The following EEPD1 variants were observed in gnomAD, a reference collection of about 807,000 sequenced individuals.
EEPD1 encodes endonuclease/exonuclease/phosphatase family domain containing 1, also known as endonuclease/exonuclease/phosphatase family domain-containing protein 1.
In EEPD1, 17 loss-of-function variants were observed where a neutral mutation model predicts 46.3. The ratio of observed to expected loss-of-function variants is 0.37; its 90% CI spans 0.25 to 0.55. EEPD1 has a LOEUF of 0.55. Among genes scored for constraint, EEPD1 ranks in the 20% least tolerant of loss-of-function variants. The probability of loss-of-function intolerance (pLI) is 0.83; values close to 1 mark genes in which losing one functional copy is unlikely to be tolerated. For synonymous variants in EEPD1, 313 were observed against 315.6 expected (o/e 0.99, Z 0.09); for missense variants, 673 against 745.6 (o/e 0.90, Z 1.13).
intron 2 of EEPD1, among the ~76,000 whole-genome samples, chr7:36,174,156 G>T (rs1180517934): frequency 6.6e-6 from 1 of 152,154 alleles, no homozygotes; most frequent in African/African-American, 2.4e-5. Context: ...CTGCAGTCGG[G>T]TCCTTACCCG....
intron 3 of EEPD1, among the ~76,000 whole-genome samples, chr7:36,276,352 A>G (rs901642101): frequency 2.0e-5 from 3 of 152,120 alleles, no homozygotes; most frequent in African/African-American, 7.2e-5. Flanking sequence ...ATTTTACCCA[A>G]TTTGGTCTGA....
At chr7:36,210,428 A>G (rs1305514960) in intron 2 of EEPD1, among the ~76,000 whole-genome samples, 1 of 152,256 alleles carries the variant, frequency 6.6e-6, no homozygotes, top group Non-Finnish European at 1.5e-5. Flanking sequence ...TGAAAGAATG[A>G]CAGCTGAAAA....
chr7:36,256,221 G>C (rs1258586681), intron 3 of EEPD1, among the ~76,000 whole-genome samples: 2 of 152,178 alleles, frequency 1.3e-5, no homozygotes, highest in East Asian at 1.9e-4. Context: ...TGCATTTGCT[G>C]AGGAGTGTTT....
chr7:36,170,027 T>C (rs769007160), intron 2 of EEPD1, among the ~76,000 whole-genome samples: 11 of 152,228 alleles, frequency 7.2e-5, no homozygotes, highest in South Asian at 2.1e-4. Context: ...TCACAGGCCC[T>C]TGGGCCAGGA....
intron 3 of EEPD1, among the ~76,000 whole-genome samples, chr7:36,245,922 T>G (rs196544): frequency 0.95 from 145,088 of 152,302 alleles, 69,178 homozygotes; most frequent in Non-Finnish European, 0.97. Context: ...AAGTCACAGG[T>G]ACTTGTTTCC....
At chr7:36,197,517 G>A (rs1290286667) in intron 2 of EEPD1, among the ~76,000 whole-genome samples, 1 of 152,216 alleles carries the variant, frequency 6.6e-6, no homozygotes, top group Non-Finnish European at 1.5e-5. Context: ...TGGTTGCCGT[G>A]TCTGTGTAGA....
At chr7:36,219,798 A>AGTGTGTGTGTGTGTGTGT (rs1443373734) in intron 2 of EEPD1, among the ~76,000 whole-genome samples, 1 of 76,964 alleles carries the variant, frequency 1.3e-5, no homozygotes, top group African/African-American at 3.8e-5. Context: ...AGAGAGAGAG[A>AGTGTGTGTGTGTGTGTGT]GAGAGAGAGT....
intron 2 of EEPD1, among the ~76,000 whole-genome samples, chr7:36,167,865 C>G (rs979461333): frequency 5.9e-5 from 9 of 152,100 alleles, no homozygotes; most frequent in African/African-American, 2.2e-4. Flanking sequence ...CAGGCACGCG[C>G]CACCACGCCT....
chr7:36,178,460 A>G (rs945947096), intron 2 of EEPD1, among the ~76,000 whole-genome samples: 2 of 152,298 alleles, frequency 1.3e-5, no homozygotes, highest in Admixed American at 1.3e-4. Context: ...TGGTCTCCTC[A>G]TCTCATGATT....
At position 36,299,023 on chromosome 7, in the gene EEPD1, G is replaced by A; in HGVS notation, c.1527G>A (p.Val509=). 1 of 1,614,140 alleles carries A rather than the reference G, an allele frequency of 6.2e-7. No homozygotes were observed. Among genetic ancestry groups the A allele is most frequent in the South Asian group, 1.1e-5 (1 of 91,072 alleles). The change falls in exon 8 of 8, where the codon GTG becomes GTA. Residue 509 remains valine, a synonymous_variant. Coordinates refer to ENST00000242108, the MANE Select transcript of EEPD1 (RefSeq NM_030636.3). ...KKVFTGHWAV[V]REGLTNPWIP... is the part of the protein sequence containing the mutation. The stretch of plus-strand genomic sequence containing the variant: ...TCCCTTCAGGTCACTGGGCTGTGGT[G>A]AGAGAAGGCCTCACGAACCCTTGGA...
At chr7:36,239,156 T>C in intron 3 of EEPD1, 120 bp downstream of exon 3, 2 of 983,812 alleles carry the variant, frequency 2.0e-6, no homozygotes, top group Non-Finnish European at 3.1e-6. Flanking sequence ...AGTTATTTTG[T>C]ATTCCTGACA....
At chr7:36,240,614 G>A (rs566703955) in intron 3 of EEPD1, among the ~76,000 whole-genome samples, 2 of 152,228 alleles carry the variant, frequency 1.3e-5, no homozygotes, top group East Asian at 1.9e-4. Context: ...AGACATCATC[G>A]GGCCAAATGG....
At chr7:36,267,612 G>A (rs1463437113) in intron 3 of EEPD1, among the ~76,000 whole-genome samples, 2 of 152,152 alleles carry the variant, frequency 1.3e-5, no homozygotes, top group East Asian at 3.9e-4. Context: ...ACAAGCTCCT[G>A]GAACCACTCC....
intron 6 of EEPD1, among the ~76,000 whole-genome samples, chr7:36,288,641 A>G (rs892816622): frequency 3.9e-5 from 6 of 152,100 alleles, no homozygotes; most frequent in Non-Finnish European, 8.8e-5. Flanking sequence ...ACACACCAGT[A>G]GTCCCAGATA....
At chr7:36,176,660 T>C (rs1422644846) in intron 2 of EEPD1, among the ~76,000 whole-genome samples, 19 of 152,196 alleles carry the variant, frequency 1.2e-4, no homozygotes, top group Non-Finnish European at 2.8e-4. Flanking sequence ...AATAAAGTGT[T>C]CTTTTTGTGT....
rs914818048 is a variant in EEPD1 at position 36,154,071 on chromosome 7, G to A, written c.-192-62G>A. 5 of 545,758 alleles carry A rather than the reference G, an allele frequency of 9.2e-6. No individual in the cohort carries two copies. The highest frequency in any genetic ancestry group is 8.8e-5 in the South Asian group (4 of 45,306). The allele number at this position is 545,758 out of a possible 1,614,324, so 33.8% of individuals were successfully genotyped here. A position where few individuals can be genotyped will look rare whatever the true frequency, so the allele number is the denominator to read the frequency against. On this transcript the variant is annotated intron_variant, in intron 1 of 7. Coordinates refer to ENST00000242108, the MANE Select transcript of EEPD1 (RefSeq NM_030636.3). The surrounding 1 kb of genome is among the most constrained non-coding windows in gnomAD (Gnocchi z 4.2). ...TGGTTACTAACTCTAGCACTAGGTA[G>A]GGGGTGCTAATGCAAATTTCTTAAT...
At chr7:36,235,864 A>G (rs940543093) in intron 2 of EEPD1, among the ~76,000 whole-genome samples, 1 of 151,858 alleles carries the variant, frequency 6.6e-6, no homozygotes, top group Admixed American at 6.6e-5. Context: ...GTTCAGTGGC[A>G]TGGCATAAAG....
chr7:36,236,352 G>C (rs1786440280), intron 2 of EEPD1, among the ~76,000 whole-genome samples: 1 of 152,222 alleles, frequency 6.6e-6, no homozygotes, highest in African/African-American at 2.4e-5. Context: ...CGCGGGCTTG[G>C]CAAGCCCCGC....
intron 2 of EEPD1, among the ~76,000 whole-genome samples, chr7:36,159,147 C>G (rs558535389): frequency 3.9e-5 from 6 of 152,210 alleles, no homozygotes; most frequent in Non-Finnish European, 7.3e-5. Context: ...TTGATTCATT[C>G]ATTGAAAAAT....
Sources: allele counts gnomAD v4.1 joint callset (sites outside exome capture counted in the v4.1 genomes callset), GRCh38; gene constraint gnomAD v4.1.1; non-coding constraint Gnocchi (gnomAD v3.1); transcripts MANE v1.5; gene names NCBI Gene and HGNC (gene_info 2026-07-23, HGNC 2026-07-21).